Variants in ABCG5 observed in about 807,000 individuals in gnomAD.
ABCG5 encodes ATP-binding cassette sub-family G member 5.
In ABCG5, 64 loss-of-function variants were observed where a neutral mutation model predicts 64.5. That is an observed-to-expected ratio of 0.99 (90% CI 0.81 to 1.22). ABCG5 has a LOEUF of 1.22. Ranked by LOEUF, ABCG5 falls within the 50% of genes most tolerant of loss-of-function variation. ABCG5 has a pLI of 0.00. For synonymous variants in ABCG5, 385 were observed against 326.3 expected, an observed-to-expected ratio of 1.18 and a Z score of -1.94; for missense variants, 908 against 829.5, an observed-to-expected ratio of 1.09 and a Z score of -1.16.
At chr2:43,815,524 G>A (rs766381209) in intron 11 of ABCG5, among the ~76,000 whole-genome samples, 1 of 152,204 alleles carries the variant, frequency 6.6e-6, no homozygotes, top group Non-Finnish European at 1.5e-5. Flanking sequence ...TTTGCAAGGT[G>A]TCCTCAACCT....
chr2:43,824,103 G>A lies in ABCG5; in HGVS notation c.1134C>T (p.Asn378=). ...TCACTGCCAGCTTATTTCTCACCAA[G>A]TTTCTTGTCACTCTCCTGAAAACAA... ...LGVLLRRVTR[N]LVRNKLAVIT... Residue 378 remains asparagine, a synonymous_variant, in exon 9 of 13, where the codon AAC becomes AAT. Transcript: ENST00000405322. 6.2e-7 allele frequency: 1 copy of A among 1,614,164 alleles called. No homozygotes were observed. The highest frequency in any genetic ancestry group is 8.5e-7 in the Non-Finnish European group (1 of 1,180,022).
chr2:43,828,174 A>G, intron 4 of ABCG5, 59 bp from the exon 5 acceptor site: 1 of 1,611,024 alleles, frequency 6.2e-7, no homozygotes, highest in Non-Finnish European at 8.5e-7. Flanking sequence ...ATTTCAATTC[A>G]TGGGCTGGGG....
chr2:43,833,885 C>T (rs183943221), intron 2 of ABCG5, among the ~76,000 whole-genome samples: 74 of 151,840 alleles, frequency 4.9e-4, no homozygotes, highest in African/African-American at 1.5e-3. Context: ...GGTTTCACCA[C>T]GTTGGCCAGG....
At chr2:43,810,261 G>C, downstream of ABCG5, 7 of 699,408 alleles carry the variant, frequency 1.0e-5, no homozygotes, top group East Asian at 1.3e-4. Flanking sequence ...CACATTCCCA[G>C]GTCCCCACAC....
chr2:43,809,896 T>A (rs1666419896), downstream of ABCG5: 1 of 1,431,676 alleles, frequency 7.0e-7, no homozygotes, highest in African/African-American at 1.5e-5. Flanking sequence ...CAAGCTGGAT[T>A]TCTTGGACTA....
At chr2:43,811,920 C>T (rs1457427509), downstream of ABCG5, among the ~76,000 whole-genome samples, 2 of 152,144 alleles carry the variant, frequency 1.3e-5, no homozygotes, top group Non-Finnish European at 2.9e-5. Context: ...AACCTATTTA[C>T]ATTATTTTAT....
intron 11 of ABCG5, 54 bp from the exon 12 acceptor site, chr2:43,814,643 C>A: frequency 9.5e-7 from 1 of 1,050,754 alleles, no homozygotes. Context: ...AATAGTCCTA[C>A]CAAATGAAAA....
chr2:43,828,383 C>T, intron 4 of ABCG5: 1 of 492,610 alleles, frequency 2.0e-6, no homozygotes, highest in Non-Finnish European at 3.7e-6. Context: ...TGCCTGTAAT[C>T]CCAATACTTT....
At chr2:43,812,380 CACA>C (rs1666529014), downstream of ABCG5, 1 of 145,406 alleles carries the variant, frequency 6.9e-6, no homozygotes, top group South Asian at 2.1e-4. Flanking sequence ...GGTACATGTG[CACA>C]ATGTGCCTAT....
At chr2:43,821,686 C>G (rs527775338) in intron 10 of ABCG5, among the ~76,000 whole-genome samples, 2 of 152,116 alleles carry the variant, frequency 1.3e-5, no homozygotes, top group South Asian at 4.1e-4. Flanking sequence ...GGCCCCTGGA[C>G]CCCTAAGATT....
intron 2 of ABCG5, among the ~76,000 whole-genome samples, chr2:43,835,795 C>T (rs1329118430): frequency 6.6e-6 from 1 of 152,168 alleles, no homozygotes; most frequent in African/African-American, 2.4e-5. Context: ...TCTCCCTCAC[C>T]AGACACTGAA....
the ABCG5 span, among the ~76,000 whole-genome samples, chr2:43,807,433 C>T: frequency 2.0e-5 from 3 of 152,010 alleles, no homozygotes; most frequent in East Asian, 3.9e-4. Flanking sequence ...CCTTCTACCT[C>T]TTTTGTGTTT....
At chr2:43,809,816 A>T, downstream of ABCG5, 2 of 1,559,278 alleles carry the variant, frequency 1.3e-6, no homozygotes, top group Non-Finnish European at 1.7e-6. Context: ...AAATACAAAT[A>T]AGATTATACT....
At chr2:43,809,050 G>A (rs192678244), downstream of ABCG5, among the ~76,000 whole-genome samples, 477 of 151,886 alleles carry the variant, frequency 3.1e-3, 3 homozygotes, top group Middle Eastern at 0.014. Context: ...GTGCAGTGGC[G>A]CAATCACAGT....
chr2:43,828,436 G>T (rs1667757802), intron 4 of ABCG5: 1 of 375,686 alleles, frequency 2.7e-6, no homozygotes, highest in South Asian at 2.1e-5. Context: ...AGGAGTTTGA[G>T]ACCAGCTTGG....
rs376129056 is a variant in ABCG5 at position 43,828,022 on chromosome 2, G to T, written c.595C>A (p.Arg199Ser). Reference sequence around the variant, plus strand: ...AGCTGGGCTGCGATGGAGACCCGGCGCCGCTCACCCGTGGAAATGCCCCCC... The same window carrying T: ...AGCTGGGCTGCGATGGAGACCCGGCTCCGCTCACCCGTGGAAATGCCCCCC... ...SLGGISTGER[R>S]RVSIAAQLLQ... is the part of the protein sequence containing the mutation. Residue 199 changes from arginine to serine, a missense_variant, in exon 5 of 13, where the codon CGC becomes AGC. Transcript: ENST00000405322. 6.2e-7 allele frequency: 1 copy of T among 1,614,070 alleles called. No individual in the cohort carries two copies. The highest frequency in any genetic ancestry group is 1.7e-5 in the Admixed American group (1 of 60,010).
chr2:43,815,435 A>C (rs1009775809), intron 11 of ABCG5, among the ~76,000 whole-genome samples: 3 of 152,226 alleles, frequency 2.0e-5, no homozygotes, highest in Non-Finnish European at 4.4e-5. Flanking sequence ...GTAGTGAACT[A>C]TTTGTGCCAA....
intron 11 of ABCG5, among the ~76,000 whole-genome samples, chr2:43,817,118 G>A (rs1666885819): frequency 1.3e-5 from 2 of 152,216 alleles, no homozygotes; most frequent in African/African-American, 4.8e-5. Flanking sequence ...GAATTCATAT[G>A]AAGCCTTGGG....
In ABCG5 at chr2:43,814,466, A is replaced by G. The variant is rs566834640; in HGVS notation, c.1762+11T>C. The G allele has an allele frequency of 7.1e-6, 11 of 1,545,126 alleles. No homozygotes were observed. The Admixed American group carries it at 8.4e-5, about 12-fold the overall frequency. ...ACATGCAAAAATAATATCCCCAAAT[A>G]GAATACTTACCACAAGTGAAATTCA... On this transcript the variant is annotated intron_variant, in intron 12 of 12. Transcript: ENST00000405322.
Sources: gnomAD v4.1 joint callset for allele counts (sites outside exome capture counted in the v4.1 genomes callset) on GRCh38, gnomAD v4.1.1 for gene constraint, MANE v1.5 for transcripts, NCBI Gene and HGNC (gene_info 2026-07-23, HGNC 2026-07-21) for gene names.